Variants in TMEM245 observed in about 807,000 individuals in gnomAD.
TMEM245 encodes protein CG-2.
TMEM245 carries 69 observed loss-of-function variants against 101.2 expected under a neutral mutation model. The ratio of observed to expected loss-of-function variants is 0.68; its 90% CI spans 0.56 to 0.83. The LOEUF is 0.83. Ranked by LOEUF, TMEM245 falls within the 40% of genes least tolerant of loss-of-function variation. The pLI is 0.00. For missense variants in TMEM245, 1,075 were observed against 1,092.8 expected (o/e 0.98, Z 0.23); for synonymous variants, 537 against 449.8 (o/e 1.19, Z -2.45).
chr9:109,072,028 T>C (rs1044144732), intron 9 of TMEM245, among the ~76,000 whole-genome samples: 12 of 152,308 alleles, frequency 7.9e-5, no homozygotes, highest in Non-Finnish European at 8.8e-5. Flanking sequence ...AATATGTCAA[T>C]GAGTAGACAT....
intron 3 of TMEM245, among the ~76,000 whole-genome samples, chr9:109,097,687 G>A (rs376407970): frequency 6.6e-6 from 1 of 152,182 alleles, no homozygotes; most frequent in African/African-American, 2.4e-5. Flanking sequence ...GGGAGGCTAA[G>A]GCAGGTAGAC....
chr9:109,095,846 A>G (rs547612953), intron 3 of TMEM245, among the ~76,000 whole-genome samples: 2 of 152,314 alleles, frequency 1.3e-5, no homozygotes, highest in South Asian at 4.1e-4. Flanking sequence ...CACCCTGTAA[A>G]TAAATAATCC....
At chr9:109,114,578 A>G (rs567025734) in intron 1 of TMEM245, among the ~76,000 whole-genome samples, 10 of 152,364 alleles carry the variant, frequency 6.6e-5, no homozygotes, top group African/African-American at 2.2e-4. Flanking sequence ...TCTTTCAGCC[A>G]CTACTCTCTC....
At chr9:109,046,174 T>C (rs369985584) in intron 14 of TMEM245, 12 of 523,882 alleles carry the variant, frequency 2.3e-5, no homozygotes, top group African/African-American at 2.1e-4. Flanking sequence ...CCACTGGCAC[T>C]GAAAAGCTGT....
intron 12 of TMEM245, among the ~76,000 whole-genome samples, chr9:109,054,123 G>A (rs1419796946): frequency 2.0e-5 from 3 of 152,154 alleles, no homozygotes; most frequent in Admixed American, 2.0e-4. Context: ...TTGAGCTCAG[G>A]AGCTCAAGAC....
intron 17 of TMEM245, among the ~76,000 whole-genome samples, chr9:109,029,082 G>A (rs1209342793): frequency 6.6e-6 from 1 of 151,752 alleles, no homozygotes; most frequent in Admixed American, 6.6e-5. Context: ...CTCAATAAAG[G>A]AAACTGAAAA....
At chr9:109,100,912 AC>A (rs1394211685) in intron 3 of TMEM245, among the ~76,000 whole-genome samples, 2 of 152,190 alleles carry the variant, frequency 1.3e-5, no homozygotes, top group Non-Finnish European at 2.9e-5. Context: ...CTATGTTAGA[AC>A]TTCTCAGGTC....
intron 1 of TMEM245, among the ~76,000 whole-genome samples, chr9:109,114,474 T>C (rs975709613): frequency 5.3e-5 from 8 of 151,902 alleles, no homozygotes; most frequent in Non-Finnish European, 1.0e-4. Flanking sequence ...CTTTATGCAA[T>C]TGGGACTGAA....
chr9:109,019,580 C>T lies in TMEM245; in HGVS notation c.*880G>A, dbSNP rs1180412737. ...GAGATGGGAAAATACTACATAAATA[C>T]AAAATTCTGCTGAAAACTAACTTAT... On this transcript the variant is annotated 3_prime_UTR_variant, in exon 18 of 18. Transcript: ENST00000374586. The T allele has an allele frequency of 6.6e-6, 1 of 152,210 alleles. No homozygotes were observed. Among genetic ancestry groups the T allele is most frequent in the Non-Finnish European group, 1.5e-5 (1 of 68,034 alleles). 9.4% of individuals were successfully genotyped at this position (152,210 alleles called of 1,614,324 possible). A position where few individuals can be genotyped will look rare whatever the true frequency, so the allele number is the denominator to read the frequency against.
rs1036622068 is a variant in TMEM245, at chr9:109,017,619, T to C, written c.*2841A>G. 1 of 152,232 alleles carries C rather than the reference T, an allele frequency of 6.6e-6. No individual in the cohort carries two copies. The highest frequency in any genetic ancestry group is 1.5e-5 in the Non-Finnish European group (1 of 68,040). The allele number at this position is 152,232 out of a possible 1,614,324, so 9.4% of individuals were successfully genotyped here. ...ACTTGAAACTAATCTTTAATAAATC[T>C]ATAAAATGCAAGATATTATGACCAA... On this transcript the variant is annotated 3_prime_UTR_variant, in exon 18 of 18. Coordinates refer to ENST00000374586, the MANE Select transcript of TMEM245 (RefSeq NM_032012.4).
chr9:109,033,303 TCA>T lies in TMEM245; in HGVS notation c.2594+2_2594+3del. The T allele has an allele frequency of 6.3e-7, 1 of 1,598,344 alleles. No individual in the cohort carries two copies. Among genetic ancestry groups the T allele is most frequent in the Admixed American group, 1.7e-5 (1 of 57,428 alleles). On this transcript the variant is annotated splice_donor_variant and splice_donor_region_variant and intron_variant, in intron 17 of 17. Coordinates refer to ENST00000374586, the MANE Select transcript of TMEM245 (RefSeq NM_032012.4). LOFTEE classifies it high-confidence loss of function. ...CAGCTTATGATTATTCTGCTTTAAC[TCA>T]CCGCTGAGGCTGAGCAGGCCATGGG...
At chr9:109,082,350 A>G (rs1829689986) in intron 7 of TMEM245, among the ~76,000 whole-genome samples, 1 of 152,220 alleles carries the variant, frequency 6.6e-6, no homozygotes, top group African/African-American at 2.4e-5. Context: ...AAAAAAAGGA[A>G]TAACAGGTTT....
At chr9:109,079,461 T>G (rs190842184) in intron 8 of TMEM245, among the ~76,000 whole-genome samples, 105 of 152,214 alleles carry the variant, frequency 6.9e-4, no homozygotes, top group Non-Finnish European at 1.2e-3. Context: ...TCTCTGACGT[T>G]ACATTTGAGA....
chr9:109,063,703 C>T (rs769400916), intron 10 of TMEM245, among the ~76,000 whole-genome samples: 12 of 152,164 alleles, frequency 7.9e-5, no homozygotes, highest in Non-Finnish European at 1.5e-4. Context: ...CATTCATTTC[C>T]CCTTCACAAA....
At chr9:109,103,280 C>CA (rs1830325632) in intron 3 of TMEM245, among the ~76,000 whole-genome samples, 2 of 152,058 alleles carry the variant, frequency 1.3e-5, no homozygotes, top group African/African-American at 4.8e-5. Context: ...GATCAACAAG[C>CA]AAAAAATCTG....
intron 1 of TMEM245, among the ~76,000 whole-genome samples, chr9:109,118,911 A>C (rs1232072853): frequency 6.6e-6 from 1 of 152,138 alleles, no homozygotes; most frequent in Non-Finnish European, 1.5e-5. Flanking sequence ...CAGGATGGCA[A>C]GTTGGCCTAG....
chr9:109,059,971 A>G (rs1012809913), intron 11 of TMEM245, among the ~76,000 whole-genome samples: 1 of 152,128 alleles, frequency 6.6e-6, no homozygotes, highest in African/African-American at 2.4e-5. Context: ...TTAAAATAAT[A>G]GTATTTGGGG....
At chr9:109,062,741 T>C (rs1339980033) in intron 10 of TMEM245, among the ~76,000 whole-genome samples, 1 of 152,140 alleles carries the variant, frequency 6.6e-6, no homozygotes, top group East Asian at 1.9e-4. Flanking sequence ...GAGGCCATGG[T>C]GGAAGGATTG....
Position 109,119,887 on chromosome 9 carries a change from G to T in TMEM245, c.27C>A (p.Asp9Glu), listed in dbSNP as rs12001627. 7.8e-6 allele frequency: 10 copies of T among 1,289,306 alleles called. No individual in the cohort carries two copies. Among genetic ancestry groups the T allele is most frequent in the Non-Finnish European group, 9.8e-6 (10 of 1,025,476 alleles). The allele number at this position is 1,289,306 out of a possible 1,614,324, so 79.9% of individuals were successfully genotyped here. MADGGGPK[D>E]APSLRSSPGP... ...CGGGAGAGCTCCGCAGGCTTGGCGC[G>T]TCCTTAGGGCCGCCGCCGTCGGCCA... is the stretch of plus-strand genomic sequence containing the variant. Residue 9 changes from aspartate to glutamate, a missense_variant, in exon 1 of 18, where the codon GAC becomes GAA. Physicochemically the swap from Asp to Glu is conservative, Grantham distance 45. Transcript: ENST00000374586.
Sources: gnomAD v4.1 joint callset for allele counts (sites outside exome capture counted in the v4.1 genomes callset) on GRCh38, gnomAD v4.1.1 for gene constraint, MANE v1.5 for transcripts, NCBI Gene and HGNC (gene_info 2026-07-23, HGNC 2026-07-21) for gene names.